STK11: variants seen among roughly 807,000 people sequenced by gnomAD.
STK11 encodes the protein serine/threonine-protein kinase STK11.
A neutral mutation model predicts 47.3 loss-of-function variants in STK11; 8 were observed. The ratio of observed to expected loss-of-function variants is 0.17; its 90% CI spans 0.10 to 0.31. STK11 has a LOEUF of 0.31. Among genes scored for constraint, STK11 ranks in the 10% least tolerant of loss-of-function variants. The probability of loss-of-function intolerance (pLI) is 1.00; values close to 1 mark genes in which losing one functional copy is unlikely to be tolerated. For missense variants in STK11, 475 were observed against 605.0 expected, an observed-to-expected ratio of 0.79 and a Z score of 2.25; for synonymous variants, 330 against 255.8, an observed-to-expected ratio of 1.29 and a Z score of -2.77.
chr19:1,220,248 G>T, intron 3 of STK11, 125 bp from the exon 4 acceptor site: 1 of 1,303,624 alleles, frequency 7.7e-7, no homozygotes, highest in African/African-American at 1.5e-5. Flanking sequence ...TGTCCTGTGT[G>T]CCTGGACTTC....
chr19:1,224,253 G>A (rs561240380), intron 8 of STK11: 1 of 985,358 alleles, frequency 1.0e-6, no homozygotes, highest in Admixed American at 6.1e-5. Flanking sequence ...CCCCCAGGAG[G>A]GTACAGCGTG....
In STK11 at chr19:1,205,796, G is replaced by A. The variant is rs1392744187; in HGVS notation, c.-1118G>A. ...GGGGAGGGAGGTAAACAAGATGGCG[G>A]CGGCGTGTCGGGCGCGGAAGGGGGA... On this transcript the variant is annotated 5_prime_UTR_variant, in exon 1 of 10. Coordinates refer to ENST00000326873, the MANE Select transcript of STK11 (RefSeq NM_000455.5). 2 of 204,020 alleles carry A rather than the reference G, an allele frequency of 9.8e-6. No homozygotes were observed. Among genetic ancestry groups the A allele is most frequent in the Non-Finnish European group, 2.0e-5 (2 of 99,140 alleles). 12.6% of individuals were successfully genotyped at this position (204,020 alleles called of 1,614,324 possible).
intron 1 of STK11, among the ~76,000 whole-genome samples, chr19:1,216,848 A>AG (rs2080748101): frequency 6.6e-6 from 1 of 151,700 alleles, no homozygotes; most frequent in Non-Finnish European, 1.5e-5. Context: ...AAAAAAAAAA[A>AG]AAGTGCATCA....
At position 1,228,051 on chromosome 19, in the gene STK11, CTTT is replaced by C. The variant is rs891166347; in HGVS notation, c.*480_*482del. On this transcript the variant is annotated 3_prime_UTR_variant, in exon 10 of 10. Coordinates refer to ENST00000326873, the MANE Select transcript of STK11 (RefSeq NM_000455.5). ...TTTTTTGTTTGGTTGGTTCCATTTT[CTTT>C]TTTTCTTTTTTTTTTTAAGAAAAAA... is the stretch of plus-strand genomic sequence containing the variant. The C allele has an allele frequency of 2.9e-6, 3 of 1,052,070 alleles. No individual in the cohort carries two copies. The highest frequency in any genetic ancestry group is 2.3e-6 in the Non-Finnish European group (2 of 870,628). 65.2% of individuals were successfully genotyped at this position (1,052,070 alleles called of 1,614,324 possible).
intron 8 of STK11, chr19:1,224,172 G>A: frequency 2.0e-6 from 2 of 986,318 alleles, no homozygotes; most frequent in Non-Finnish European, 2.4e-6. Context: ...GCCCCCGAGA[G>A]CACAGTGTAT....
intron 1 of STK11, among the ~76,000 whole-genome samples, chr19:1,213,357 A>C (rs1429007792): frequency 6.6e-6 from 1 of 152,150 alleles, no homozygotes; most frequent in Non-Finnish European, 1.5e-5. Flanking sequence ...GAGTTGCACA[A>C]CTATCACCTC....
In STK11 at chr19:1,220,496, C is replaced by T. The variant is rs769309428; in HGVS notation, c.588C>T (p.Gly196=). 7.5e-6 allele frequency: 12 copies of T among 1,603,842 alleles called. No individual in the cohort carries two copies. The highest frequency in any genetic ancestry group is 3.4e-5 in the Admixed American group (2 of 58,878). Residue 196 remains glycine, a synonymous_variant, in exon 4 of 10, where the codon GGC becomes GGT. Transcript: ENST00000326873. ...GCACCCTCAAAATCTCCGACCTGGG[C>T]GTGGCCGAGGTAGGCACGTGCTAGG... ...TGGTLKISDL[G]VAEALHPFAA...
intron 1 of STK11, among the ~76,000 whole-genome samples, chr19:1,210,423 A>AG (rs2080701748): frequency 6.6e-6 from 1 of 152,132 alleles, no homozygotes; most frequent in South Asian, 2.1e-4. Flanking sequence ...GCGATCACCA[A>AG]GGGGGGTGGG....
At chr19:1,223,514 G>A (rs933004892) in intron 8 of STK11, 3 of 960,656 alleles carry the variant, frequency 3.1e-6, no homozygotes, top group Non-Finnish European at 1.3e-6. Flanking sequence ...GGGAGGGTAG[G>A]TGAGAGTCAG....
At chr19:1,210,860 C>T (rs1173931668) in intron 1 of STK11, among the ~76,000 whole-genome samples, 2 of 145,830 alleles carry the variant, frequency 1.4e-5, no homozygotes, top group Non-Finnish European at 3.0e-5. Flanking sequence ...GAAACTCCGT[C>T]TCGAAAAAAA....
intron 1 of STK11, among the ~76,000 whole-genome samples, chr19:1,213,494 G>A (rs1478954708): frequency 6.6e-6 from 1 of 152,216 alleles, no homozygotes; most frequent in East Asian, 1.9e-4. Flanking sequence ...GGCCTGTCCT[G>A]AACATTTCAC....
chr19:1,226,173 G>A (rs934121717), intron 8 of STK11: 21 of 1,300,008 alleles, frequency 1.6e-5, no homozygotes, highest in Non-Finnish European at 2.1e-5. Context: ...CCTGCAGTCA[G>A]TACCTGGGTG....
intron 2 of STK11, 121 bp downstream of exon 2, chr19:1,218,621 G>A (rs781582228): frequency 2.2e-5 from 19 of 881,598 alleles, no homozygotes; most frequent in Middle Eastern, 3.1e-4. Context: ...CACGAGGGCC[G>A]TGGCCTTCCC....
At position 1,208,628 on chromosome 19, in the gene STK11, T is replaced by C. The variant is rs796308454; in HGVS notation, c.290+1425T>C. Among the ~76,000 whole-genome samples the C allele has an allele frequency of 4.5e-3, 581 of 127,776 alleles. 5 individuals carry two copies. The highest frequency in any genetic ancestry group is 0.016 in the African/African-American group (536 of 32,720). 83.8% of individuals were successfully genotyped at this position (127,776 alleles called of 152,430 possible). ...CGGCCTTTTTTTTTTTTTTTTTTTT[T>C]TTTTTTGAGACGGAGTTTCACTCTT... is the stretch of plus-strand genomic sequence containing the variant. On this transcript the variant is annotated intron_variant, in intron 1 of 9. Transcript: ENST00000326873.
intron 7 of STK11, among the ~76,000 whole-genome samples, chr19:1,222,558 C>T (rs1291494449): frequency 6.6e-6 from 1 of 152,186 alleles, no homozygotes; most frequent in Non-Finnish European, 1.5e-5. Flanking sequence ...GTGTCCGGAC[C>T]CCTGAGGCGC....
Position 1,224,569 on chromosome 19 carries a change from C to T in STK11, c.1108+1397C>T, listed in dbSNP as rs373328518. 5.2e-5 allele frequency: 51 copies of T among 985,516 alleles called. No individual in the cohort carries two copies. The South Asian group carries it at 8.5e-4, about 16-fold the overall frequency. The allele number at this position is 985,516 out of a possible 1,614,324, so 61.0% of individuals were successfully genotyped here. ...CAGGTTGCGAGAGTCCCTACTGGGACGTGGACCACACGCTGACCCCCACGG... is the reference window on the plus strand; with the variant it reads ...CAGGTTGCGAGAGTCCCTACTGGGATGTGGACCACACGCTGACCCCCACGG... On this transcript the variant is annotated intron_variant, in intron 8 of 9. Coordinates refer to ENST00000326873, the MANE Select transcript of STK11 (RefSeq NM_000455.5).
rs961970080 is a variant in STK11, at chr19:1,207,156, G to A, written c.243G>A (p.Lys81=). ...GCAGGAGGGCCGTCAAGATCCTCAA[G>A]AAGAAGAAGTTGCGAAGGATCCCCA... ...TLCRRAVKIL[K]KKKLRRIPNG... The change falls in exon 1 of 10, where the codon AAG becomes AAA. Residue 81 remains lysine, a synonymous_variant. Transcript: ENST00000326873. The A allele has an allele frequency of 1.2e-5, 19 of 1,612,582 alleles. No individual in the cohort carries two copies. Among genetic ancestry groups the A allele is most frequent in the Non-Finnish European group, 1.5e-5 (18 of 1,179,238 alleles).
At chr19:1,222,072 G>A (rs2145429116) in intron 7 of STK11, 66 bp downstream of exon 7, 1 of 1,530,610 alleles carries the variant, frequency 6.5e-7, no homozygotes, top group Non-Finnish European at 8.8e-7. Flanking sequence ...GCAGCTGGTT[G>A]AGCGGGCGCT....
At chr19:1,227,423 A>T in intron 9 of STK11, 170 bp from the exon 10 acceptor site, 1 of 623,630 alleles carries the variant, frequency 1.6e-6, no homozygotes, top group East Asian at 6.1e-5. Context: ...AGGCCACACA[A>T]TGTACCCCGG....
Sources: gnomAD v4.1 joint callset for allele counts (sites outside exome capture counted in the v4.1 genomes callset) on GRCh38, gnomAD v4.1.1 for gene constraint, MANE v1.5 for transcripts, NCBI Gene and HGNC (gene_info 2026-07-23, HGNC 2026-07-21) for gene names.